The following PIP5K1B variants were observed in gnomAD, a reference collection of about 807,000 sequenced individuals.
PIP5K1B encodes phosphatidylinositol 4-phosphate 5-kinase type-1 beta.
In PIP5K1B, 42 loss-of-function variants were observed where a neutral mutation model predicts 67.0. That is an observed-to-expected ratio of 0.63 (90% CI 0.49 to 0.81). The LOEUF (loss-of-function observed/expected upper bound fraction) is 0.81, where lower values mean the gene tolerates loss of function less well. Among genes scored for constraint, PIP5K1B ranks in the 30% least tolerant of loss-of-function variants. The pLI, the probability that PIP5K1B is intolerant of heterozygous loss-of-function variation, is 0.00. For missense variants in PIP5K1B, 459 were observed against 646.3 expected, an observed-to-expected ratio of 0.71 and a Z score of 3.14; for synonymous variants, 214 against 231.4, an observed-to-expected ratio of 0.92 and a Z score of 0.68.
Position 68,857,566 on chromosome 9 carries a change from T to C in PIP5K1B, c.70-6271T>C, listed in dbSNP as rs114332738. ...AGAACCTGGAGCTGGGTTTGAGCTG[T>C]AGAAATGAAGGAACGTGGACCAGGT... On this transcript the variant is annotated intron_variant, in intron 4 of 15. Transcript: ENST00000265382. 6.0e-3 allele frequency among the ~76,000 whole-genome samples: 918 copies of C among 152,234 alleles called. 11 individuals are homozygous for C. Among genetic ancestry groups the C allele is most frequent in the African/African-American group, 0.021 (881 of 41,534 alleles).
At chr9:68,740,293 G>A (rs1828942401) in intron 1 of PIP5K1B, among the ~76,000 whole-genome samples, 1 of 152,198 alleles carries the variant, frequency 6.6e-6, no homozygotes, top group Non-Finnish European at 1.5e-5. Context: ...AAGCCTTTAG[G>A]ACATGGACAC....
chr9:68,738,554 C>T (rs184718702), intron 1 of PIP5K1B, among the ~76,000 whole-genome samples: 2 of 152,254 alleles, frequency 1.3e-5, no homozygotes, highest in East Asian at 1.9e-4. Flanking sequence ...CTTGGATCTG[C>T]GTATTCTCAT....
intron 5 of PIP5K1B, among the ~76,000 whole-genome samples, chr9:68,873,250 G>A (rs951976519): frequency 1.7e-4 from 25 of 146,532 alleles, no homozygotes; most frequent in African/African-American, 5.6e-4. Flanking sequence ...TGATCATATC[G>A]TCAGCTATTT....
intron 2 of PIP5K1B, among the ~76,000 whole-genome samples, chr9:68,755,800 G>A (rs944857112): frequency 6.6e-6 from 1 of 152,202 alleles, no homozygotes; most frequent in African/African-American, 2.4e-5. Context: ...GGTGGAGCCG[G>A]AGGATGAATC....
intron 4 of PIP5K1B, among the ~76,000 whole-genome samples, chr9:68,862,808 T>A (rs1051049387): frequency 1.1e-4 from 12 of 108,220 alleles, no homozygotes; most frequent in Admixed American, 4.8e-4. Context: ...AAATAAAAAA[T>A]AAATAAATAA....
rs773220432 is a variant in PIP5K1B, at chr9:68,940,763, A to T, written c.1475A>T (p.His492Leu). The T allele has an allele frequency of 6.2e-7, 1 of 1,613,980 alleles. No individual in the cohort carries two copies. The highest frequency in any genetic ancestry group is 8.5e-7 in the Non-Finnish European group (1 of 1,179,918). The change falls in exon 14 of 16, where the codon CAC becomes CTC. Residue 492 changes from histidine to leucine, a missense_variant. Physicochemically the swap from His to Leu is moderately conservative, Grantham distance 99 (BLOSUM62 -3). This residue lies in a region of PIP5K1B where 169 missense variants were observed against 171.9 expected (regional missense o/e 0.98). Transcript: ENST00000265382. ...SSLYVNEHYP[H>L]DRPTLYSNSK... Reference sequence around the variant, plus strand: ...TTATACGTCAATGAGCACTATCCACACGACAGGCCTACACTCTATTCAAAC... The same window carrying T: ...TTATACGTCAATGAGCACTATCCACTCGACAGGCCTACACTCTATTCAAAC...
intron 14 of PIP5K1B, among the ~76,000 whole-genome samples, chr9:68,985,574 G>A (rs963128759): frequency 1.1e-4 from 16 of 152,328 alleles, no homozygotes; most frequent in African/African-American, 3.8e-4. Context: ...CTTCAAAACA[G>A]TTCTTCCAGC....
In PIP5K1B at chr9:68,737,397, A is replaced by C. The variant is rs537609403; in HGVS notation, c.-242-5104A>C. On this transcript the variant is annotated intron_variant, in intron 1 of 15. Coordinates refer to ENST00000265382, the MANE Select transcript of PIP5K1B (RefSeq NM_003558.4). Reference sequence around the variant, plus strand: ...GACAGGATTAGACTATTGCTTAAGTAAGGGCATAAGGCTAGCATGAATAGA... The same window carrying C: ...GACAGGATTAGACTATTGCTTAAGTCAGGGCATAAGGCTAGCATGAATAGA... Among the ~76,000 whole-genome samples, 6 of 152,330 alleles carry C rather than the reference A, an allele frequency of 3.9e-5. No individual in the cohort carries two copies. The East Asian group carries it at 9.6e-4, about 24-fold the overall frequency.
intron 8 of PIP5K1B, among the ~76,000 whole-genome samples, chr9:68,911,175 A>G (rs1825827450): frequency 6.6e-6 from 1 of 151,980 alleles, no homozygotes; most frequent in Non-Finnish European, 1.5e-5. Context: ...GGAGTTCGAG[A>G]CCAGCCTGAC....
chr9:68,790,999 G>A (rs1406471658), intron 2 of PIP5K1B, among the ~76,000 whole-genome samples: 1 of 152,192 alleles, frequency 6.6e-6, no homozygotes, highest in Non-Finnish European at 1.5e-5. Flanking sequence ...GTAGAGAACA[G>A]AGAACCTATT....
At chr9:68,902,828 C>G (rs1173144431) in intron 8 of PIP5K1B, among the ~76,000 whole-genome samples, 1 of 152,096 alleles carries the variant, frequency 6.6e-6, no homozygotes, top group Non-Finnish European at 1.5e-5. Flanking sequence ...ATTTAAGTCT[C>G]TTGCTAAAAA....
intron 14 of PIP5K1B, among the ~76,000 whole-genome samples, chr9:68,956,314 A>G (rs907513694): frequency 1.3e-5 from 2 of 152,182 alleles, no homozygotes; most frequent in African/African-American, 4.8e-5. Flanking sequence ...CTAGAAAAAT[A>G]CAAAAATTGG....
chr9:68,808,495 C>G (rs1832991635), intron 2 of PIP5K1B, among the ~76,000 whole-genome samples: 1 of 152,122 alleles, frequency 6.6e-6, no homozygotes, highest in South Asian at 2.1e-4. Flanking sequence ...GGACATCATG[C>G]AGTAGCAGTG....
intron 2 of PIP5K1B, among the ~76,000 whole-genome samples, chr9:68,758,563 C>T (rs888660952): frequency 2.0e-5 from 3 of 151,708 alleles, no homozygotes; most frequent in South Asian, 2.1e-4. Flanking sequence ...TTGTACAATA[C>T]GAACAACAAC....
intron 15 of PIP5K1B, among the ~76,000 whole-genome samples, chr9:69,001,297 G>A (rs532462071): frequency 7.2e-5 from 11 of 152,084 alleles, no homozygotes; most frequent in South Asian, 4.2e-4. Flanking sequence ...AGCCAGTGGC[G>A]TTGTCCTCAG....
chr9:68,973,482 C>T (rs1008473997), intron 14 of PIP5K1B, among the ~76,000 whole-genome samples: 24 of 152,082 alleles, frequency 1.6e-4, no homozygotes, highest in African/African-American at 5.5e-4. Flanking sequence ...AAGAGGAGGT[C>T]AAAAACATAG....
intron 2 of PIP5K1B, chr9:68,788,939 T>C: frequency 3.2e-6 from 1 of 309,408 alleles, no homozygotes; most frequent in South Asian, 3.9e-5. Flanking sequence ...TATGCTCAGA[T>C]TTCCAGCACT....
At chr9:68,737,452 T>G (rs1414856588) in intron 1 of PIP5K1B, among the ~76,000 whole-genome samples, 2 of 152,328 alleles carry the variant, frequency 1.3e-5, no homozygotes, top group Non-Finnish European at 1.5e-5. Context: ...TTGCTTTCAA[T>G]TCTCCATCAA....
intron 4 of PIP5K1B, among the ~76,000 whole-genome samples, chr9:68,854,293 C>T (rs1358101162): frequency 1.3e-5 from 2 of 151,912 alleles, no homozygotes; most frequent in East Asian, 1.9e-4. Context: ...CCATGCCTGA[C>T]CAATTTTTTG....
Sources: gnomAD v4.1 joint callset for allele counts (sites outside exome capture counted in the v4.1 genomes callset) on GRCh38, gnomAD v4.1.1 for gene constraint, gnomAD v4.1.1 regional missense constraint, MANE v1.5 for transcripts, NCBI Gene and HGNC (gene_info 2026-07-23, HGNC 2026-07-21) for gene names.